TUBGCP3: variants seen among roughly 807,000 people sequenced by gnomAD.
The protein encoded by TUBGCP3 is gamma-tubulin complex component 3.
In TUBGCP3, 50 loss-of-function variants were observed where a neutral mutation model predicts 123.1. That is an observed-to-expected ratio of 0.41 (90% CI 0.32 to 0.51). The LOEUF is 0.51. Among genes scored for constraint, TUBGCP3 ranks in the 20% least tolerant of loss-of-function variants. The probability of loss-of-function intolerance (pLI) is 0.36; values close to 1 mark genes in which losing one functional copy is unlikely to be tolerated. For synonymous variants in TUBGCP3, 405 were observed against 413.9 expected (o/e 0.98, Z 0.26); for missense variants, 882 against 1,127.0 (o/e 0.78, Z 3.11).
At position 112,522,369 on chromosome 13, in the gene TUBGCP3, G is replaced by A; in HGVS notation, c.1696C>T (p.Leu566=). The change falls in exon 14 of 22, where the codon CTG becomes TTG. Residue 566 remains leucine, a synonymous_variant. Transcript: ENST00000261965. ...ATAAAGTCTCCTTGACCAAGAAGCAGGTACCGCCTCATTGCCTGCATGTGG... is the reference window on the plus strand; with the variant it reads ...ATAAAGTCTCCTTGACCAAGAAGCAAGTACCGCCTCATTGCCTGCATGTGG... ...LDHMQAMRRY[L]LLGQGDFIRH... 1 of 1,613,478 alleles carries A rather than the reference G, an allele frequency of 6.2e-7. No individual in the cohort carries two copies. The highest frequency in any genetic ancestry group is 8.5e-7 in the Non-Finnish European group (1 of 1,179,500).
At chr13:112,534,342 C>G (rs890589181) in intron 11 of TUBGCP3, among the ~76,000 whole-genome samples, 4 of 152,074 alleles carry the variant, frequency 2.6e-5, no homozygotes, top group African/African-American at 9.7e-5. Flanking sequence ...GTCAGGAGAT[C>G]GAGACCATCC....
chr13:112,540,437 C>T (rs111510617), intron 11 of TUBGCP3, among the ~76,000 whole-genome samples: 12,413 of 81,704 alleles, frequency 0.15, no homozygotes, highest in African/African-American at 0.39. Flanking sequence ...TGGGAAAGGA[C>T]ACCTGGGAAT....
At chr13:112,569,048 G>C in intron 2 of TUBGCP3, 104 bp downstream of exon 2, 1 of 975,274 alleles carries the variant, frequency 1.0e-6, no homozygotes, top group Non-Finnish European at 1.5e-6. Context: ...ATATTAAAAT[G>C]CGCTTGGGAA....
At chr13:112,557,315 A>G (rs1197479459) in intron 5 of TUBGCP3, among the ~76,000 whole-genome samples, 1 of 152,248 alleles carries the variant, frequency 6.6e-6, no homozygotes, top group Non-Finnish European at 1.5e-5. Context: ...TCTTCATAGA[A>G]CACTAGACCC....
chr13:112,509,632 C>G (rs1325774286), intron 17 of TUBGCP3, among the ~76,000 whole-genome samples: 1 of 152,182 alleles, frequency 6.6e-6, no homozygotes, highest in Non-Finnish European at 1.5e-5. Flanking sequence ...ACAGTATCTT[C>G]AATGGTCTTC....
chr13:112,533,955 C>T (rs1877811304), intron 11 of TUBGCP3, among the ~76,000 whole-genome samples: 1 of 152,016 alleles, frequency 6.6e-6, no homozygotes, highest in Admixed American at 6.6e-5. Context: ...TCTTTTATCC[C>T]TCACTCCCTT....
At chr13:112,578,741 C>G (rs1290526819) in intron 1 of TUBGCP3, among the ~76,000 whole-genome samples, 3 of 152,040 alleles carry the variant, frequency 2.0e-5, no homozygotes, top group Admixed American at 6.5e-5. Flanking sequence ...TTCCAGAGCT[C>G]AGGGCCTTCA....
At chr13:112,526,495 TCACCATCAA>T (rs1430031228) in intron 13 of TUBGCP3, among the ~76,000 whole-genome samples, 2 of 141,684 alleles carry the variant, frequency 1.4e-5, no homozygotes, top group East Asian at 2.1e-4. Flanking sequence ...ATCACCATCA[TCACCATCAA>T]CATCACCACC....
At chr13:112,487,067 G>GTGTGTC (rs1555335845) in intron 21 of TUBGCP3, among the ~76,000 whole-genome samples, 1 of 144,748 alleles carries the variant, frequency 6.9e-6, no homozygotes, top group Non-Finnish European at 1.5e-5. Context: ...GTGTGTGTGT[G>GTGTGTC]TGTGTGTGTG....
At chr13:112,600,635 T>C in the TUBGCP3 span, among the ~76,000 whole-genome samples, 1 of 152,142 alleles carries the variant, frequency 6.6e-6, no homozygotes, top group Non-Finnish European at 1.5e-5. Context: ...CTTCTTATAC[T>C]TAAAAAAAAT....
rs763403196 is a variant in TUBGCP3 at position 112,554,048 on chromosome 13, T to A, written c.966+9A>T. The A allele has an allele frequency of 1.9e-6, 3 of 1,608,568 alleles. No homozygotes were observed. The highest frequency in any genetic ancestry group is 2.5e-6 in the Non-Finnish European group (3 of 1,178,574). On this transcript the variant is annotated intron_variant, in intron 8 of 21. Coordinates refer to ENST00000261965, the MANE Select transcript of TUBGCP3 (RefSeq NM_006322.6). ...CAGCATCCCAGCATCCTAGGAACCATGAACGCACCTGCCCGACGAGTCCGA... is the reference window on the plus strand; with the variant it reads ...CAGCATCCCAGCATCCTAGGAACCAAGAACGCACCTGCCCGACGAGTCCGA...
At chr13:112,510,193 A>C (rs562535764) in intron 17 of TUBGCP3, among the ~76,000 whole-genome samples, 1 of 152,262 alleles carries the variant, frequency 6.6e-6, no homozygotes, top group Non-Finnish European at 1.5e-5. Flanking sequence ...TGACCCCTAA[A>C]GGCTGTCGAA....
intron 3 of TUBGCP3, among the ~76,000 whole-genome samples, chr13:112,563,066 C>G (rs774359597): frequency 2.6e-5 from 4 of 152,190 alleles, no homozygotes; most frequent in African/African-American, 4.8e-5. Context: ...CCACCCTCCC[C>G]CTTCGGACTT....
chr13:112,591,532 GC>G (rs1298337700), upstream of TUBGCP3, among the ~76,000 whole-genome samples: 2 of 152,204 alleles, frequency 1.3e-5, no homozygotes, highest in African/African-American at 4.8e-5. Flanking sequence ...GTAGGCTTGG[GC>G]CTGTGCTAGT....
chr13:112,512,298 C>G (rs1209499194), intron 17 of TUBGCP3, among the ~76,000 whole-genome samples: 1 of 151,890 alleles, frequency 6.6e-6, no homozygotes, highest in East Asian at 1.9e-4. Context: ...GCATGGTGTA[C>G]ATGCCTGTAA....
At chr13:112,486,212 C>T (rs1478399743) in intron 21 of TUBGCP3, 61 bp from the exon 22 acceptor site, 15 of 1,587,314 alleles carry the variant, frequency 9.4e-6, no homozygotes, top group African/African-American at 2.7e-5. Flanking sequence ...CAAACGTATT[C>T]CCCGGACCTT....
intron 1 of TUBGCP3, among the ~76,000 whole-genome samples, chr13:112,574,418 G>A (rs1319937155): frequency 6.6e-6 from 1 of 151,858 alleles, no homozygotes; most frequent in Non-Finnish European, 1.5e-5. Flanking sequence ...ATCTTCAAGT[G>A]GGCACTCTGA....
intron 9 of TUBGCP3, 92 bp downstream of exon 9, chr13:112,548,016 T>C (rs1879212439): frequency 2.0e-6 from 2 of 1,004,446 alleles, no homozygotes; most frequent in South Asian, 4.0e-5. Context: ...ATTTTAAAAG[T>C]AATGTATGAA....
the TUBGCP3 span, chr13:112,603,860 G>C: frequency 1.3e-5 from 2 of 152,344 alleles, no homozygotes; most frequent in African/African-American, 4.8e-5. Context: ...GGGAGAAGAG[G>C]GCAGAGGGAG....
Sources: gnomAD v4.1 joint callset for allele counts (sites outside exome capture counted in the v4.1 genomes callset) on GRCh38, gnomAD v4.1.1 for gene constraint, MANE v1.5 for transcripts, NCBI Gene and HGNC (gene_info 2026-07-23, HGNC 2026-07-21) for gene names.